Variants in SLC2A13 observed in about 807,000 individuals in gnomAD.
SLC2A13 encodes the protein solute carrier family 2 member 13.
A neutral mutation model predicts 64.4 loss-of-function variants in SLC2A13; 32 were observed. That is an observed-to-expected ratio of 0.50 (90% CI 0.37 to 0.67). The LOEUF is 0.67. Ranked by LOEUF, SLC2A13 falls within the 30% of genes least tolerant of loss-of-function variation. SLC2A13 has a pLI of 0.00. For missense variants in SLC2A13, 743 were observed against 829.2 expected, an observed-to-expected ratio of 0.90 and a Z score of 1.28; for synonymous variants, 338 against 327.1, an observed-to-expected ratio of 1.03 and a Z score of -0.36.
At chr12:39,875,788 C>A (rs1944167986) in intron 4 of SLC2A13, among the ~76,000 whole-genome samples, 1 of 152,166 alleles carries the variant, frequency 6.6e-6, no homozygotes, top group African/African-American at 2.4e-5. Flanking sequence ...ATTTAACTTA[C>A]AATTACAAAG....
chr12:40,031,371 T>C (rs1235705020), intron 2 of SLC2A13, among the ~76,000 whole-genome samples: 1 of 152,130 alleles, frequency 6.6e-6, no homozygotes, highest in Non-Finnish European at 1.5e-5. Flanking sequence ...TACAGGTGCG[T>C]GCCACCACGC....
chr12:39,956,802 AG>A (rs1488140767), intron 3 of SLC2A13, among the ~76,000 whole-genome samples: 1 of 152,038 alleles, frequency 6.6e-6, no homozygotes, highest in Admixed American at 6.6e-5. Context: ...AAAGTTAAGG[AG>A]GAAAAAGTGG....
intron 1 of SLC2A13, among the ~76,000 whole-genome samples, chr12:40,077,916 G>A (rs1214059335): frequency 2.0e-5 from 3 of 151,958 alleles, no homozygotes; most frequent in African/African-American, 4.8e-5. Flanking sequence ...TGTGGCTTTT[G>A]TGAATGGGAT....
chr12:39,783,925 C>A (rs1292459541), intron 7 of SLC2A13, among the ~76,000 whole-genome samples: 1 of 152,132 alleles, frequency 6.6e-6, no homozygotes, highest in Non-Finnish European at 1.5e-5. Context: ...TTCCTGTACA[C>A]AAATAACAGA....
chr12:39,932,159 T>C (rs533414916), intron 4 of SLC2A13, among the ~76,000 whole-genome samples: 1 of 152,312 alleles, frequency 6.6e-6, no homozygotes, highest in South Asian at 2.1e-4. Flanking sequence ...CAGGGTGATT[T>C]TGATTTTACT....
intron 6 of SLC2A13, among the ~76,000 whole-genome samples, chr12:39,858,160 A>C (rs1256558028): frequency 6.6e-6 from 1 of 152,238 alleles, no homozygotes; most frequent in African/African-American, 2.4e-5. Flanking sequence ...TCCAGGTGTC[A>C]AATTCAGCAC....
chr12:40,024,201 T>C (rs1365763805), intron 3 of SLC2A13, among the ~76,000 whole-genome samples: 1 of 152,214 alleles, frequency 6.6e-6, no homozygotes, highest in Non-Finnish European at 1.5e-5. Flanking sequence ...CACAAAATGA[T>C]GGAAATCATA....
At chr12:39,760,750 A>T (rs4238072) in intron 9 of SLC2A13, among the ~76,000 whole-genome samples, 125,305 of 151,878 alleles carry the variant, frequency 0.83, 51,890 homozygotes, top group African/African-American at 0.84. Context: ...TTTTGCTGTA[A>T]GATTATGCAT....
At chr12:39,948,791 A>G (rs1156484778) in intron 4 of SLC2A13, among the ~76,000 whole-genome samples, 2 of 152,170 alleles carry the variant, frequency 1.3e-5, no homozygotes, top group Non-Finnish European at 2.9e-5. Flanking sequence ...AAAATTTTAT[A>G]TACATAAACA....
chr12:39,980,241 G>A (rs973089378), intron 3 of SLC2A13, among the ~76,000 whole-genome samples: 3 of 152,042 alleles, frequency 2.0e-5, no homozygotes, highest in Non-Finnish European at 2.9e-5. Flanking sequence ...AAAGACCATC[G>A]AGACTAGGAA....
At chr12:40,104,049 C>G (rs1228779748) in intron 1 of SLC2A13, among the ~76,000 whole-genome samples, 1 of 152,174 alleles carries the variant, frequency 6.6e-6, no homozygotes, top group Non-Finnish European at 1.5e-5. Flanking sequence ...ATGGCCTTTG[C>G]TTCCCTTCAG....
intron 3 of SLC2A13, among the ~76,000 whole-genome samples, chr12:39,959,875 G>A (rs545744275): frequency 2.0e-5 from 3 of 152,246 alleles, no homozygotes; most frequent in East Asian, 3.9e-4. Context: ...TTGTTACACA[G>A]GTAAATGCAT....
At chr12:39,843,532 GTAGA>G (rs1471880621) in intron 6 of SLC2A13, among the ~76,000 whole-genome samples, 7 of 152,060 alleles carry the variant, frequency 4.6e-5, no homozygotes, top group Non-Finnish European at 7.4e-5. Flanking sequence ...CCATTTCAAG[GTAGA>G]TAGAGAATTA....
intron 3 of SLC2A13, among the ~76,000 whole-genome samples, chr12:39,987,852 T>A (rs1947056710): frequency 6.6e-6 from 1 of 152,138 alleles, no homozygotes; most frequent in African/African-American, 2.4e-5. Context: ...TTGAGGCTTT[T>A]TCTAAAAATA....
At chr12:39,981,486 A>C (rs1181336410) in intron 3 of SLC2A13, among the ~76,000 whole-genome samples, 2 of 150,882 alleles carry the variant, frequency 1.3e-5, no homozygotes, top group Non-Finnish European at 3.0e-5. Context: ...AAAAATGATA[A>C]AGGGGATATC....
chr12:39,799,016 C>T (rs886369083), intron 7 of SLC2A13, among the ~76,000 whole-genome samples: 1 of 150,278 alleles, frequency 6.7e-6, no homozygotes, highest in African/African-American at 2.4e-5. Flanking sequence ...ATCTTCTCCC[C>T]ATTATCCCCA....
At chr12:39,776,476 A>G (rs2135734010) in intron 7 of SLC2A13, among the ~76,000 whole-genome samples, 1 of 152,354 alleles carries the variant, frequency 6.6e-6, no homozygotes, top group South Asian at 2.1e-4. Context: ...CCAGAGAATG[A>G]TGTGGCATAT....
intron 7 of SLC2A13, among the ~76,000 whole-genome samples, chr12:39,812,483 C>CT (rs986452021): frequency 2.9e-4 from 43 of 148,792 alleles, no homozygotes; most frequent in African/African-American, 1.1e-3. Context: ...CCCCTTCTCT[C>CT]TTTTTGTGAG....
At chr12:40,034,526 G>GA (rs1947949055) in intron 2 of SLC2A13, among the ~76,000 whole-genome samples, 1 of 152,086 alleles carries the variant, frequency 6.6e-6, no homozygotes, top group African/African-American at 2.4e-5. Flanking sequence ...AAAAGGAAAT[G>GA]AAAAAACTGT....
Sources: allele counts gnomAD v4.1 joint callset (sites outside exome capture counted in the v4.1 genomes callset), GRCh38; gene constraint gnomAD v4.1.1; transcripts MANE v1.5; gene names NCBI Gene and HGNC (gene_info 2026-07-23, HGNC 2026-07-21).